Variants in APCDD1 observed in about 807,000 individuals in gnomAD.
APCDD1 encodes protein APCDD1.
Under a neutral mutation model 38.1 loss-of-function variants are expected in APCDD1, and 15 were observed. The ratio of observed to expected loss-of-function variants is 0.39; its 90% CI spans 0.26 to 0.61. APCDD1 has a LOEUF of 0.61. APCDD1 is among the 20% of genes least tolerant of loss of function. APCDD1 has a pLI of 0.49. For synonymous variants in APCDD1, 261 were observed against 279.7 expected (o/e 0.93, Z 0.67); for missense variants, 647 against 696.2 (o/e 0.93, Z 0.79).
chr18:10,471,491 A>T lies in APCDD1; in HGVS notation c.243-39A>T. 6.2e-7 allele frequency: 1 copy of T among 1,612,880 alleles called. No individual in the cohort carries two copies. Among genetic ancestry groups the T allele is most frequent in the Non-Finnish European group, 8.5e-7 (1 of 1,178,948 alleles). Reference sequence around the variant, plus strand: ...TAATGAATCTCTTTCCCATACCTTCAGGCTTACAAAGGTCTCTTCTTCCCC... The same window carrying T: ...TAATGAATCTCTTTCCCATACCTTCTGGCTTACAAAGGTCTCTTCTTCCCC... On this transcript the variant is annotated intron_variant, in intron 2 of 4. Transcript: ENST00000355285. The surrounding 1 kb of genome is among the most constrained non-coding windows in gnomAD (Gnocchi z 5.5).
In APCDD1 at chr18:10,471,167, G is replaced by A. The variant is rs1361157094; in HGVS notation, c.243-363G>A. Among the ~76,000 whole-genome samples the A allele has an allele frequency of 6.6e-6, 1 of 152,272 alleles. No homozygotes were observed. Among genetic ancestry groups the A allele is most frequent in the Non-Finnish European group, 1.5e-5 (1 of 68,046 alleles). On this transcript the variant is annotated intron_variant, in intron 2 of 4. Transcript: ENST00000355285. This position sits in a 1 kb window ranked among gnomAD's most constrained non-coding sequence, Gnocchi z 5.5. ...GAAATGCCTGCACAGGGCAGCAGGTGTTTGCCCTCCTGGCCTGCTCGTGAA... is the reference window on the plus strand; with the variant it reads ...GAAATGCCTGCACAGGGCAGCAGGTATTTGCCCTCCTGGCCTGCTCGTGAA...
intron 1 of APCDD1, among the ~76,000 whole-genome samples, chr18:10,455,291 G>A (rs961881265): frequency 2.0e-5 from 3 of 152,206 alleles, no homozygotes; most frequent in African/African-American, 7.2e-5. Context: ...TTTTTGGAAG[G>A]GTGGAAGCTC....
At chr18:10,481,780 A>C (rs989052669) in intron 3 of APCDD1, among the ~76,000 whole-genome samples, 4 of 151,392 alleles carry the variant, frequency 2.6e-5, no homozygotes, top group African/African-American at 9.7e-5. Context: ...TCTCAGGCCC[A>C]CCTGATGGAA....
intron 3 of APCDD1, among the ~76,000 whole-genome samples, chr18:10,482,691 C>T (rs554060841): frequency 6.6e-6 from 1 of 152,322 alleles, no homozygotes; most frequent in South Asian, 2.1e-4. Flanking sequence ...GGGGGTGTCA[C>T]TGGTCCCCAC....
intron 3 of APCDD1, among the ~76,000 whole-genome samples, chr18:10,478,063 C>T (rs2031048154): frequency 6.6e-6 from 1 of 152,144 alleles, no homozygotes; most frequent in Admixed American, 6.5e-5. Flanking sequence ...GCTAATGTTG[C>T]TCTTAAGGAC....
chr18:10,458,202 G>A (rs1159248414), intron 1 of APCDD1, among the ~76,000 whole-genome samples: 1 of 152,156 alleles, frequency 6.6e-6, no homozygotes, highest in African/African-American at 2.4e-5. Context: ...TTTGAGTTTT[G>A]GAGCTGATGT....
chr18:10,461,751 C>G (rs933899865), intron 1 of APCDD1, among the ~76,000 whole-genome samples: 1 of 152,226 alleles, frequency 6.6e-6, no homozygotes. Flanking sequence ...TTAATCCTTT[C>G]AGATAACTCT....
Position 10,471,338 on chromosome 18 carries a change from G to A in APCDD1, c.243-192G>A, listed in dbSNP as rs968060783. ...CTCAGTTTCCCCACCTGTAAAACCT[G>A]GGTGATGATAATACCTAACTCCTAG... On this transcript the variant is annotated intron_variant, in intron 2 of 4. Coordinates refer to ENST00000355285, the MANE Select transcript of APCDD1 (RefSeq NM_153000.5). This position sits in a 1 kb window ranked among gnomAD's most constrained non-coding sequence, Gnocchi z 5.5. 1.3e-5 allele frequency among the ~76,000 whole-genome samples: 2 copies of A among 152,180 alleles called. No individual in the cohort carries two copies. The highest frequency in any genetic ancestry group is 4.8e-5 in the African/African-American group (2 of 41,448).
intron 1 of APCDD1, among the ~76,000 whole-genome samples, chr18:10,456,619 C>G (rs1598393536): frequency 6.6e-6 from 1 of 152,136 alleles, no homozygotes; most frequent in African/African-American, 2.4e-5. Flanking sequence ...AGAGATGCAA[C>G]CTTGTACACA....
chr18:10,463,498 A>G (rs905076397), intron 1 of APCDD1, among the ~76,000 whole-genome samples: 19 of 152,234 alleles, frequency 1.2e-4, no homozygotes, highest in Admixed American at 3.3e-4. Flanking sequence ...AGGGCACACC[A>G]TGACTGATTC....
intron 1 of APCDD1, among the ~76,000 whole-genome samples, chr18:10,465,857 A>T (rs1437304538): frequency 6.6e-6 from 1 of 152,218 alleles, no homozygotes. Flanking sequence ...ACACTGCTTG[A>T]TGTCTTGGAT....
intron 1 of APCDD1, among the ~76,000 whole-genome samples, chr18:10,459,341 G>C (rs986159663): frequency 3.2e-5 from 4 of 126,412 alleles, no homozygotes; most frequent in Admixed American, 7.7e-5. Flanking sequence ...CACACACACA[G>C]ACCACAACTG....
Position 10,468,605 on chromosome 18 carries a change from C to G in APCDD1, c.195C>G (p.Ile65Met), listed in dbSNP as rs754697340. Reference protein sequence around the residue: ...MLKHLHNGARITVQMPPTIEG... With the variant: ...MLKHLHNGARMTVQMPPTIEG... The stretch of plus-strand genomic sequence containing the variant: ...AACATCTCCACAATGGTGCAAGGAT[C>G]ACAGTGCAGATGCCACCTACAATCG... Residue 65 changes from isoleucine (I) to methionine (M), a missense_variant, in exon 2 of 5, where the codon ATC becomes ATG. Transcript: ENST00000355285. 9.3e-6 allele frequency: 15 copies of G among 1,613,928 alleles called. No homozygotes were observed. The South Asian group carries it at 1.2e-4, about 13-fold the overall frequency.
chr18:10,475,745 G>A lies in APCDD1; in HGVS notation c.774+3684G>A, dbSNP rs952618799. 1.3e-5 allele frequency: 2 copies of A among 149,126 alleles called. No homozygotes were observed. The highest frequency in any genetic ancestry group is 6.7e-5 in the Admixed American group (1 of 15,014). 9.2% of individuals were successfully genotyped at this position (149,126 alleles called of 1,614,324 possible). A position where few individuals can be genotyped will look rare whatever the true frequency, so the allele number is the denominator to read the frequency against. ...ATGCAGGTGGCAGCCCAGCTGGAAGGAGGACCCAGGCTTCCTGAGCCAGCC... is the reference window on the plus strand; with the variant it reads ...ATGCAGGTGGCAGCCCAGCTGGAAGAAGGACCCAGGCTTCCTGAGCCAGCC... On this transcript the variant is annotated intron_variant, in intron 3 of 4. Coordinates refer to ENST00000355285, the MANE Select transcript of APCDD1 (RefSeq NM_153000.5). This position sits in a 1 kb window ranked among gnomAD's most constrained non-coding sequence, Gnocchi z 4.0.
In APCDD1 at chr18:10,467,498, G is replaced by C. The variant is rs1316175994; in HGVS notation, c.59-971G>C. On this transcript the variant is annotated intron_variant, in intron 1 of 4. Transcript: ENST00000355285. This position sits in a 1 kb window ranked among gnomAD's most constrained non-coding sequence, Gnocchi z 4.8. ...ATATCAGAGGAGACCGTGGCTTTCA[G>C]ATAATAATTCCACCAGTTTTAATTG... Among the ~76,000 whole-genome samples the C allele has an allele frequency of 6.6e-6, 1 of 152,188 alleles. No homozygotes were observed. The highest frequency in any genetic ancestry group is 6.5e-5 in the Admixed American group (1 of 15,292).
intron 3 of APCDD1, among the ~76,000 whole-genome samples, chr18:10,484,332 A>G (rs138478558): frequency 1.3e-4 from 20 of 152,338 alleles, no homozygotes; most frequent in African/African-American, 4.8e-4. Context: ...TGCGTTTCCT[A>G]CACAACTCCA....
chr18:10,460,125 A>G (rs1220981756), intron 1 of APCDD1, among the ~76,000 whole-genome samples: 1 of 152,336 alleles, frequency 6.6e-6, no homozygotes, highest in Admixed American at 6.5e-5. Context: ...ACATTTTATT[A>G]TGTGTAAAAT....
At chr18:10,482,942 G>T (rs755569599) in intron 3 of APCDD1, among the ~76,000 whole-genome samples, 2 of 152,228 alleles carry the variant, frequency 1.3e-5, no homozygotes, top group African/African-American at 4.8e-5. Context: ...ACCTTAAGGT[G>T]CATTTGAAAG....
rs2030995723 is a variant in APCDD1, at chr18:10,476,127, G to A, written c.774+4066G>A. ...CGTACACGCCTGCCCAGGAGAGGCTGGAACCTCCTCCTTTGAACTCTTCTA... is the reference window on the plus strand; with the variant it reads ...CGTACACGCCTGCCCAGGAGAGGCTAGAACCTCCTCCTTTGAACTCTTCTA... On this transcript the variant is annotated intron_variant, in intron 3 of 4. Transcript: ENST00000355285. This position sits in a 1 kb window ranked among gnomAD's most constrained non-coding sequence, Gnocchi z 5.8. The A allele has an allele frequency of 6.6e-6, 1 of 152,206 alleles. No individual in the cohort carries two copies. The highest frequency in any genetic ancestry group is 2.4e-5 in the African/African-American group (1 of 41,442). The allele number at this position is 152,206 out of a possible 1,614,324, so 9.4% of individuals were successfully genotyped here.
Sources: allele counts gnomAD v4.1 joint callset (sites outside exome capture counted in the v4.1 genomes callset), GRCh38; gene constraint gnomAD v4.1.1; non-coding constraint Gnocchi (gnomAD v3.1); transcripts MANE v1.5; gene names NCBI Gene and HGNC (gene_info 2026-07-23, HGNC 2026-07-21).